Variants in COL23A1 observed in about 807,000 individuals in gnomAD.
COL23A1 encodes the protein collagen alpha-1(XXIII) chain.
Under a neutral mutation model 99.3 loss-of-function variants are expected in COL23A1, and 97 were observed. The ratio of observed to expected loss-of-function variants is 0.98; its 90% CI spans 0.83 to 1.16. The LOEUF (loss-of-function observed/expected upper bound fraction) is 1.16, where lower values mean the gene tolerates loss of function less well. Among genes scored for constraint, COL23A1 ranks in the 50% most tolerant of loss-of-function variants. The pLI is 0.00. For synonymous variants in COL23A1, 320 were observed against 308.2 expected (o/e 1.04, Z -0.40); for missense variants, 762 against 757.4 (o/e 1.01, Z -0.07).
At chr5:178,358,080 A>ACG (rs564027235) in intron 2 of COL23A1, among the ~76,000 whole-genome samples, 2 of 130,134 alleles carry the variant, frequency 1.5e-5, no homozygotes, top group Non-Finnish European at 3.4e-5. Context: ...GTGTATGTGT[A>ACG]TGTACGTGTG....
At chr5:178,324,096 T>G (rs1759501472) in intron 2 of COL23A1, among the ~76,000 whole-genome samples, 1 of 151,962 alleles carries the variant, frequency 6.6e-6, no homozygotes, top group Non-Finnish European at 1.5e-5. Context: ...CTCCTTTCCC[T>G]CTTGAGGTCC....
rs1765655038 is a variant in COL23A1, at chr5:178,262,077, G to A, written c.675+140C>T. On this transcript the variant is annotated intron_variant, in intron 10 of 28. Transcript: ENST00000390654. ...GTGCACAGGGGTCCACACACATGCA[G>A]ACACGTACATGCAGAGGCGCGCGCA... is the stretch of plus-strand genomic sequence containing the variant. The A allele has an allele frequency of 5.3e-6, 5 of 939,600 alleles. No homozygotes were observed. The Admixed American group carries it at 1.1e-4, about 21-fold the overall frequency. The allele number at this position is 939,600 out of a possible 1,614,324, so 58.2% of individuals were successfully genotyped here.
intron 2 of COL23A1, among the ~76,000 whole-genome samples, chr5:178,445,360 C>T (rs866565755): frequency 6.6e-6 from 1 of 152,248 alleles, no homozygotes; most frequent in Middle Eastern, 3.4e-3. Flanking sequence ...ACTATCATTA[C>T]TATAGCTTTA....
intron 2 of COL23A1, among the ~76,000 whole-genome samples, chr5:178,464,299 C>T (rs1002424906): frequency 2.6e-5 from 4 of 152,214 alleles, no homozygotes; most frequent in African/African-American, 9.7e-5. Flanking sequence ...TGCGTAAAAT[C>T]GTGCAGTATG....
chr5:178,521,571 A>C (rs1396111833), intron 2 of COL23A1, among the ~76,000 whole-genome samples: 4 of 138,368 alleles, frequency 2.9e-5, no homozygotes, highest in Non-Finnish European at 6.3e-5. Context: ...AAAAAAAAAA[A>C]CTATTTAAAG....
intron 2 of COL23A1, among the ~76,000 whole-genome samples, chr5:178,358,324 G>GTGTA (rs1369601274): frequency 2.0e-5 from 3 of 149,278 alleles, no homozygotes; most frequent in Non-Finnish European, 4.4e-5. Flanking sequence ...GTATGTGTAT[G>GTGTA]TGTATGTATG....
At chr5:178,253,573 C>T (rs1765147335) in intron 16 of COL23A1, among the ~76,000 whole-genome samples, 1 of 150,886 alleles carries the variant, frequency 6.6e-6, no homozygotes, top group South Asian at 2.1e-4. Flanking sequence ...ACCTCTGCCT[C>T]CCGGGTTCAA....
At chr5:178,349,035 T>C (rs1333723624) in intron 2 of COL23A1, among the ~76,000 whole-genome samples, 2 of 151,810 alleles carry the variant, frequency 1.3e-5, no homozygotes, top group East Asian at 3.9e-4. Flanking sequence ...GGCGGCATTG[T>C]CTTCCTGCGT....
In COL23A1 at chr5:178,491,045, A is replaced by C. The variant is rs564828361; in HGVS notation, c.361+69637T>G. 6.8e-4 allele frequency among the ~76,000 whole-genome samples: 103 copies of C among 151,976 alleles called. 1 individual carries two copies. Among genetic ancestry groups the C allele is most frequent in the African/African-American group, 2.3e-3 (96 of 41,426 alleles). ...GAGACAAAGAAAGCTAAGAGAGAAG[A>C]GAGAGGAGAGAGAGAGAAAAAGAGG... On this transcript the variant is annotated intron_variant, in intron 2 of 28. Transcript: ENST00000390654.
intron 2 of COL23A1, among the ~76,000 whole-genome samples, chr5:178,329,806 A>T (rs1759905503): frequency 6.6e-6 from 1 of 152,144 alleles, no homozygotes; most frequent in Non-Finnish European, 1.5e-5. Context: ...GCGTGCTGGT[A>T]GGAGTCTGTA....
At chr5:178,351,433 C>T (rs868483190) in intron 2 of COL23A1, among the ~76,000 whole-genome samples, 1 of 152,180 alleles carries the variant, frequency 6.6e-6, no homozygotes, top group African/African-American at 2.4e-5. Flanking sequence ...CCTGTCTCAG[C>T]AGCCTCTGCC....
chr5:178,349,445 A>T (rs1472596136), intron 2 of COL23A1, among the ~76,000 whole-genome samples: 1 of 151,776 alleles, frequency 6.6e-6, no homozygotes, highest in African/African-American at 2.4e-5. Context: ...GTCACAATAG[A>T]TTTGGCAGCA....
At chr5:178,238,798 C>T (rs998985481) in intron 28 of COL23A1, 98 bp from the exon 29 acceptor site, 4 of 1,494,378 alleles carry the variant, frequency 2.7e-6, no homozygotes, top group Non-Finnish European at 3.7e-6. Context: ...TGCCCATTTC[C>T]TCCTATCTTC....
chr5:178,455,449 A>C (rs1436817771), intron 2 of COL23A1, among the ~76,000 whole-genome samples: 2 of 152,150 alleles, frequency 1.3e-5, no homozygotes, highest in East Asian at 3.9e-4. Context: ...TCAACTAAGT[A>C]AGCTTAGGTC....
At chr5:178,523,257 C>CAGAGAG (rs70997610) in intron 2 of COL23A1, among the ~76,000 whole-genome samples, 1 of 108,354 alleles carries the variant, frequency 9.2e-6, no homozygotes, top group Non-Finnish European at 1.9e-5. Context: ...GAGAGAGAGA[C>CAGAGAG]AGAGAGAGAG....
At chr5:178,344,500 G>A (rs10041297) in intron 2 of COL23A1, among the ~76,000 whole-genome samples, 9,637 of 152,180 alleles carry the variant, frequency 0.063, 570 homozygotes, top group African/African-American at 0.14. Flanking sequence ...AGCCAGGTCT[G>A]GTGGCGTGCC....
intron 7 of COL23A1, 33 bp downstream of exon 7, chr5:178,268,697 T>C: frequency 6.3e-7 from 1 of 1,591,064 alleles, no homozygotes; most frequent in Non-Finnish European, 8.6e-7. Context: ...TTCGCCTGCC[T>C]ACCACATCTG....
intron 2 of COL23A1, among the ~76,000 whole-genome samples, chr5:178,481,131 C>CAAAAAAA (rs10625763): frequency 0.01 from 1,024 of 100,768 alleles, 8 homozygotes; most frequent in African/African-American, 0.026. Flanking sequence ...GACTGTCTCT[C>CAAAAAAA]AAAAAAAAAA....
chr5:178,582,577 C>G (rs1397822134), intron 1 of COL23A1, among the ~76,000 whole-genome samples: 2 of 152,198 alleles, frequency 1.3e-5, no homozygotes, highest in Non-Finnish European at 2.9e-5. Flanking sequence ...ACAGCGCACC[C>G]CTGGCTGCGC....
Sources: allele counts gnomAD v4.1 joint callset (sites outside exome capture counted in the v4.1 genomes callset), GRCh38; gene constraint gnomAD v4.1.1; transcripts MANE v1.5; gene names NCBI Gene and HGNC (gene_info 2026-07-23, HGNC 2026-07-21).